The following HECW1 variants were observed in gnomAD, a reference collection of about 807,000 sequenced individuals.
The protein encoded by HECW1 is HECT, C2 and WW domain containing E3 ubiquitin protein ligase 1, also known as E3 ubiquitin-protein ligase HECW1.
HECW1 carries 61 observed loss-of-function variants against 182.3 expected under a neutral mutation model. The observed-to-expected ratio is 0.33, with a 90% CI of 0.27 to 0.41. HECW1 has a LOEUF of 0.41. Ranked by LOEUF, HECW1 falls within the 10% of genes least tolerant of loss-of-function variation. The probability of loss-of-function intolerance (pLI) is 1.00; values close to 1 mark genes in which losing one functional copy is unlikely to be tolerated. For missense variants in HECW1, 1,739 were observed against 2,108.9 expected, an observed-to-expected ratio of 0.82 and a Z score of 3.44; for synonymous variants, 859 against 832.6, an observed-to-expected ratio of 1.03 and a Z score of -0.55.
intron 17 of HECW1, 44 bp downstream of exon 17, chr7:43,479,788 C>G: frequency 6.2e-7 from 1 of 1,609,630 alleles, no homozygotes; most frequent in Non-Finnish European, 8.5e-7. Flanking sequence ...CGGTCACAGT[C>G]TCTGCCTCTT....
intron 7 of HECW1, among the ~76,000 whole-genome samples, chr7:43,400,946 A>G (rs769997857): frequency 1.3e-4 from 20 of 152,032 alleles, no homozygotes; most frequent in Non-Finnish European, 1.8e-4. Context: ...CATTGCTCCA[A>G]TCTCTGCTTC....
intron 3 of HECW1, among the ~76,000 whole-genome samples, chr7:43,280,431 C>T (rs1389343801): frequency 6.6e-6 from 1 of 152,180 alleles, no homozygotes; most frequent in East Asian, 1.9e-4. Context: ...CCGAGTCACA[C>T]AGCTAGTTAA....
At chr7:43,237,293 G>A (rs1221806251) in intron 2 of HECW1, among the ~76,000 whole-genome samples, 1 of 152,180 alleles carries the variant, frequency 6.6e-6, no homozygotes, top group Non-Finnish European at 1.5e-5. Flanking sequence ...AAAATAAAAT[G>A]TAAATCACTG....
At chr7:43,210,450 A>AGTGTGTGT (rs57987187) in intron 2 of HECW1, among the ~76,000 whole-genome samples, 16,221 of 145,412 alleles carry the variant, frequency 0.11, 1,087 homozygotes, top group Non-Finnish European at 0.16. Flanking sequence ...AGTAGAAGTG[A>AGTGTGTGT]GTGTGTGTGT....
chr7:43,544,594 C>G (rs534858002), intron 26 of HECW1, among the ~76,000 whole-genome samples: 1 of 104,358 alleles, frequency 9.6e-6, no homozygotes, highest in African/African-American at 3.5e-5. Context: ...TGACTCAGCA[C>G]ACGTCTAGAA....
intron 2 of HECW1, among the ~76,000 whole-genome samples, chr7:43,136,547 G>A (rs553989646): frequency 1.3e-5 from 2 of 152,288 alleles, no homozygotes; most frequent in African/African-American, 4.8e-5. Context: ...GGTCACTTCT[G>A]GAAGCACTCC....
intron 3 of HECW1, among the ~76,000 whole-genome samples, chr7:43,271,445 G>T: frequency 6.6e-6 from 1 of 152,148 alleles, no homozygotes; most frequent in East Asian, 1.9e-4. Context: ...ATATGATTCT[G>T]TACTTAGAAA....
At chr7:43,216,693 C>T (rs987346743) in intron 2 of HECW1, among the ~76,000 whole-genome samples, 4 of 151,758 alleles carry the variant, frequency 2.6e-5, no homozygotes, top group Non-Finnish European at 5.9e-5. Flanking sequence ...CTTGCTCTTT[C>T]CCCCAGGCTG....
At chr7:43,350,385 G>T (rs896266761) in intron 5 of HECW1, among the ~76,000 whole-genome samples, 27 of 152,126 alleles carry the variant, frequency 1.8e-4, no homozygotes, top group African/African-American at 6.5e-4. Flanking sequence ...TGTTCTTTGT[G>T]CTTCTTGTAT....
At chr7:43,138,685 C>G (rs1787831695) in intron 2 of HECW1, among the ~76,000 whole-genome samples, 1 of 152,140 alleles carries the variant, frequency 6.6e-6, no homozygotes. Flanking sequence ...AGTAAAAACC[C>G]TCTCTCTCTT....
intron 8 of HECW1, among the ~76,000 whole-genome samples, chr7:43,415,127 T>C (rs2075946446): frequency 6.6e-6 from 1 of 151,814 alleles, no homozygotes; most frequent in African/African-American, 2.4e-5. Flanking sequence ...CTAGTCTCGA[T>C]GGTCTTTACA....
intron 4 of HECW1, among the ~76,000 whole-genome samples, chr7:43,313,263 GA>G (rs972973343): frequency 6.7e-5 from 10 of 150,368 alleles, no homozygotes; most frequent in Non-Finnish European, 1.2e-4. Flanking sequence ...ATTTATTTCT[GA>G]AAAAAAATTG....
chr7:43,509,453 G>T, intron 24 of HECW1: 1 of 182,808 alleles, frequency 5.5e-6, no homozygotes, highest in South Asian at 1.5e-4. Context: ...GCTTCTTGGA[G>T]GTATTTATGG....
chr7:43,206,995 T>G (rs1795535424), intron 2 of HECW1, among the ~76,000 whole-genome samples: 1 of 152,230 alleles, frequency 6.6e-6, no homozygotes, highest in African/African-American at 2.4e-5. Context: ...TCCGAAGTCC[T>G]TTGCTGCTTT....
At chr7:43,119,070 A>G (rs1383416197) in intron 2 of HECW1, 1 of 152,328 alleles carries the variant, frequency 6.6e-6, no homozygotes, top group Non-Finnish European at 1.5e-5. Flanking sequence ...TATGAAATAT[A>G]TGAAGCAAAA....
At chr7:43,536,043 C>A (rs1326910333) in intron 24 of HECW1, among the ~76,000 whole-genome samples, 1 of 152,108 alleles carries the variant, frequency 6.6e-6, no homozygotes, top group African/African-American at 2.4e-5. Flanking sequence ...AGGAATCTAA[C>A]CATGAACTGT....
rs779557608 is a variant in HECW1 at position 43,450,853 on chromosome 7, C to T, written c.2424C>T (p.Ser808=). 3 of 1,612,134 alleles carry T rather than the reference C, an allele frequency of 1.9e-6. No homozygotes were observed. The Admixed American group carries it at 5.0e-5, about 27-fold the overall frequency. The part of the protein sequence containing the change: ...REGECPILHN[S]QPVSQLPSLR... Reference sequence around the variant, plus strand: ...GTGAATGTCCTATACTCCATAATTCCCAGCCAGTAAGCCAGCTTCCTTCCC... The same window carrying T: ...GTGAATGTCCTATACTCCATAATTCTCAGCCAGTAAGCCAGCTTCCTTCCC... The change falls in exon 12 of 30, where the codon TCC becomes TCT. Residue 808 remains serine, a synonymous_variant. Transcript: ENST00000395891.
chr7:43,458,171 T>C (rs933640029), intron 13 of HECW1, among the ~76,000 whole-genome samples: 1 of 152,196 alleles, frequency 6.6e-6, no homozygotes, highest in Admixed American at 6.5e-5. Context: ...ATAGAGACCC[T>C]GTTGATTCCA....
At chr7:43,328,667 A>C (rs528937992) in intron 5 of HECW1, among the ~76,000 whole-genome samples, 1 of 152,344 alleles carries the variant, frequency 6.6e-6, no homozygotes, top group South Asian at 2.1e-4. Context: ...CCTCAGATTA[A>C]ATAACAAAGC....
Sources: allele counts gnomAD v4.1 joint callset (sites outside exome capture counted in the v4.1 genomes callset), GRCh38; gene constraint gnomAD v4.1.1; transcripts MANE v1.5; gene names NCBI Gene and HGNC (gene_info 2026-07-23, HGNC 2026-07-21).